The following SCARA3 variants were observed in gnomAD, a reference collection of about 807,000 sequenced individuals.
SCARA3 encodes scavenger receptor class A member 3.
A neutral mutation model predicts 47.0 loss-of-function variants in SCARA3; 39 were observed. That is an observed-to-expected ratio of 0.83 (90% CI 0.64 to 1.08). SCARA3 has a LOEUF of 1.08. SCARA3 is among the 50% of genes least tolerant of loss of function. SCARA3 has a pLI of 0.00. For missense variants in SCARA3, 724 were observed against 792.3 expected (o/e 0.91, Z 1.04); for synonymous variants, 356 against 334.1 (o/e 1.07, Z -0.71).
intron 2 of SCARA3, among the ~76,000 whole-genome samples, chr8:27,651,288 G>A (rs1249543060): frequency 6.6e-6 from 1 of 152,232 alleles, no homozygotes; most frequent in African/African-American, 2.4e-5. Flanking sequence ...AGTGCTGGGG[G>A]CTGTTCTTTG....
intron 1 of SCARA3, among the ~76,000 whole-genome samples, chr8:27,646,980 C>CCCCCCCCA (rs1585277139): frequency 3.5e-5 from 4 of 113,106 alleles, no homozygotes; most frequent in Admixed American, 8.6e-5. Context: ...CCGCCCCCCC[C>CCCCCCCCA]CCGCACACAC....
In SCARA3 at chr8:27,672,810, C is replaced by T. The variant is rs187124385; in HGVS notation, c.*1459C>T. 4 of 985,676 alleles carry T rather than the reference C, an allele frequency of 4.1e-6. No individual in the cohort carries two copies. The highest frequency in any genetic ancestry group is 1.1e-4 in the East Asian group (1 of 8,810). 61.1% of individuals were successfully genotyped at this position (985,676 alleles called of 1,614,324 possible). ...TTCAGGCACCACCCCCTCCACCGCC[C>T]GCAAGGTTAGGGCATAGAGTTGTCT... On this transcript the variant is annotated 3_prime_UTR_variant, in exon 6 of 6. Coordinates refer to ENST00000301904, the MANE Select transcript of SCARA3 (RefSeq NM_016240.3).
At chr8:27,717,094 C>T in the SCARA3 span, among the ~76,000 whole-genome samples, 415 of 152,160 alleles carry the variant, frequency 2.7e-3, 2 homozygotes, top group African/African-American at 8.8e-3. Context: ...AGGACCTGCT[C>T]CAGAGTGAAA....
At chr8:27,695,644 T>A in the SCARA3 span, among the ~76,000 whole-genome samples, 2 of 152,250 alleles carry the variant, frequency 1.3e-5, no homozygotes, top group East Asian at 3.9e-4. Context: ...GAAAATATCG[T>A]CATAATGAGT....
intron 1 of SCARA3, among the ~76,000 whole-genome samples, chr8:27,635,252 C>T (rs1801225658): frequency 1.3e-5 from 2 of 152,030 alleles, no homozygotes; most frequent in Non-Finnish European, 2.9e-5. Flanking sequence ...AAAGAATGGC[C>T]TGAGGGTTCA....
At chr8:27,720,576 G>A in the SCARA3 span, among the ~76,000 whole-genome samples, 1 of 151,828 alleles carries the variant, frequency 6.6e-6, no homozygotes, top group East Asian at 1.9e-4. Context: ...GATCAAATTA[G>A]GGTATATTTC....
At chr8:27,688,750 C>T in the SCARA3 span, among the ~76,000 whole-genome samples, 1 of 152,098 alleles carries the variant, frequency 6.6e-6, no homozygotes, top group Non-Finnish European at 1.5e-5. Context: ...ATCCCTTAAC[C>T]CAGCATTTTT....
At chr8:27,643,054 C>T (rs970208535) in intron 1 of SCARA3, among the ~76,000 whole-genome samples, 16 of 152,092 alleles carry the variant, frequency 1.1e-4, no homozygotes, top group African/African-American at 3.4e-4. Flanking sequence ...GGTGGGCATT[C>T]GGGGTTGTCA....
chr8:27,716,709 G>A, the SCARA3 span, among the ~76,000 whole-genome samples: 1 of 152,136 alleles, frequency 6.6e-6, no homozygotes, highest in Non-Finnish European at 1.5e-5. Flanking sequence ...AAAATCAATG[G>A]ATGCTAAAAC....
chr8:27,687,974 C>T, the SCARA3 span, among the ~76,000 whole-genome samples: 1 of 152,134 alleles, frequency 6.6e-6, no homozygotes, highest in Admixed American at 6.5e-5. Context: ...TGAGATCGCA[C>T]CACTGCACTC....
In SCARA3 at chr8:27,671,666, A is replaced by G; in HGVS notation, c.*315A>G. ...TGCACACACACATGCACGCACACAC[A>G]CATGCACACATACACGTGCACACAT... On this transcript the variant is annotated 3_prime_UTR_variant, in exon 6 of 6. Transcript: ENST00000301904. 1 of 1,102,258 alleles carries G rather than the reference A, an allele frequency of 9.1e-7. No homozygotes were observed. The highest frequency in any genetic ancestry group is 1.1e-6 in the Non-Finnish European group (1 of 897,794). The allele number at this position is 1,102,258 out of a possible 1,614,324, so 68.3% of individuals were successfully genotyped here.
the SCARA3 span, among the ~76,000 whole-genome samples, chr8:27,709,948 A>C: frequency 2.0e-5 from 3 of 152,134 alleles, no homozygotes; most frequent in Non-Finnish European, 2.9e-5. Flanking sequence ...TGATTACAGA[A>C]AATCAAAGAG....
intron 1 of SCARA3, among the ~76,000 whole-genome samples, chr8:27,634,742 ACCT>A (rs1247631820): frequency 2.0e-5 from 3 of 151,710 alleles, no homozygotes; most frequent in Admixed American, 6.6e-5. Context: ...CCACCCTCTG[ACCT>A]CCTTGGGAGG....
intron 1 of SCARA3, among the ~76,000 whole-genome samples, chr8:27,644,497 G>A (rs909960456): frequency 3.5e-4 from 53 of 152,132 alleles, no homozygotes; most frequent in African/African-American, 1.3e-3. Flanking sequence ...TTCCCAGAGA[G>A]GAGTTTTCCC....
the SCARA3 span, among the ~76,000 whole-genome samples, chr8:27,728,105 C>T: frequency 6.6e-6 from 1 of 152,358 alleles, no homozygotes; most frequent in African/African-American, 2.4e-5. Context: ...GCTGGCCAAA[C>T]TGGACTTGCC....
chr8:27,715,610 G>T, the SCARA3 span, among the ~76,000 whole-genome samples: 1 of 151,936 alleles, frequency 6.6e-6, no homozygotes, highest in Non-Finnish European at 1.5e-5. This position sits in a 1 kb window ranked among gnomAD's most constrained non-coding sequence, Gnocchi z 4.2. Context: ...TAGATAGATA[G>T]ATAGATAGAT....
chr8:27,658,903 A>G lies in SCARA3; in HGVS notation c.733A>G (p.Thr245Ala). Residue 245 changes from threonine (T) to alanine (A), a missense_variant, in exon 5 of 6, where the codon ACC becomes GCC. By Grantham distance (58) the Thr-to-Ala change is moderately conservative. Coordinates refer to ENST00000301904, the MANE Select transcript of SCARA3 (RefSeq NM_016240.3). ...GATCCAGCGGAAGACAGACGAGGAG[A>G]CCCTGACCCTCCAGAAGATTGTCAC... ...HGIQRKTDEE[T>A]LTLQKIVTDW... 1 of 1,614,052 alleles carries G rather than the reference A, an allele frequency of 6.2e-7. No homozygotes were observed.
In SCARA3 at chr8:27,634,199, C is replaced by A; in HGVS notation, c.-2C>A. 7.1e-7 allele frequency: 1 copy of A among 1,408,360 alleles called. No individual in the cohort carries two copies. Among genetic ancestry groups the A allele is most frequent in the Non-Finnish European group, 9.2e-7 (1 of 1,085,032 alleles). The allele number at this position is 1,408,360 out of a possible 1,614,324, so 87.2% of individuals were successfully genotyped here. On this transcript the variant is annotated 5_prime_UTR_variant, in exon 1 of 6. Coordinates refer to ENST00000301904, the MANE Select transcript of SCARA3 (RefSeq NM_016240.3). ...CCTCCTGAGGCCCCAGAGGAAGAGA[C>A]CATGAAAGGTAAGGGCGGCCTGTCG...
intron 1 of SCARA3, among the ~76,000 whole-genome samples, chr8:27,646,927 C>T (rs2128916917): frequency 6.8e-6 from 1 of 147,800 alleles, no homozygotes; most frequent in Middle Eastern, 3.5e-3. Flanking sequence ...CTTGCTGTTC[C>T]CGCTTTACCC....
Sources: allele counts gnomAD v4.1 joint callset (sites outside exome capture counted in the v4.1 genomes callset), GRCh38; gene constraint gnomAD v4.1.1; non-coding constraint Gnocchi (gnomAD v3.1); transcripts MANE v1.5; gene names NCBI Gene and HGNC (gene_info 2026-07-23, HGNC 2026-07-21).